KRT222: variants seen among roughly 807,000 people sequenced by gnomAD.
The protein encoded by KRT222 is keratin-like protein KRT222.
KRT222 carries 23 observed loss-of-function variants against 35.0 expected under a neutral mutation model. That is an observed-to-expected ratio of 0.66 (90% CI 0.47 to 0.93). KRT222 has a LOEUF of 0.93. Among genes scored for constraint, KRT222 ranks in the 40% least tolerant of loss-of-function variants. The pLI is 0.00. For missense variants in KRT222, 339 were observed against 346.3 expected, an observed-to-expected ratio of 0.98 and a Z score of 0.17; for synonymous variants, 108 against 118.8, an observed-to-expected ratio of 0.91 and a Z score of 0.59.
At chr17:40,661,090 G>A (rs1337670613) in intron 2 of KRT222, among the ~76,000 whole-genome samples, 10 of 151,932 alleles carry the variant, frequency 6.6e-5, no homozygotes, top group African/African-American at 2.4e-4. Context: ...GATTACAGGC[G>A]TGTGCCACCA....
Position 40,657,554 on chromosome 17 carries a change from A to C in KRT222, c.524-67T>G, listed in dbSNP as rs1485865033. Reference sequence around the variant, plus strand: ...AATTACTGTTCACAAATTATATTCAAACTTTTATTCAAATATTGCTTGTTT... The same window carrying C: ...AATTACTGTTCACAAATTATATTCACACTTTTATTCAAATATTGCTTGTTT... On this transcript the variant is annotated intron_variant, in intron 4 of 5. Coordinates refer to ENST00000394052, the MANE Select transcript of KRT222 (RefSeq NM_152349.3). 2.0e-6 allele frequency: 3 copies of C among 1,487,050 alleles called. No homozygotes were observed. In the African/African-American group the frequency reaches 4.5e-5, roughly 23 times the overall value. 92.1% of individuals were successfully genotyped at this position (1,487,050 alleles called of 1,614,324 possible).
chr17:40,657,151 G>T, intron 5 of KRT222: 1 of 300,276 alleles, frequency 3.3e-6, no homozygotes, highest in Non-Finnish European at 5.9e-6. Context: ...GGTGGAGGTT[G>T]CAGTGAGCCA....
At chr17:40,661,770 G>A (rs2037385289) in intron 2 of KRT222, 146 bp downstream of exon 2, 2 of 981,362 alleles carry the variant, frequency 2.0e-6, no homozygotes, top group South Asian at 1.8e-5. Context: ...GGAGGGGTGA[G>A]TAATTAAACT....
intron 1 of KRT222, 154 bp downstream of exon 1, chr17:40,664,850 G>C: frequency 7.9e-7 from 1 of 1,264,762 alleles, no homozygotes. Flanking sequence ...TCCCCCTGTA[G>C]TCCCAGTCAC....
rs368559451 is a variant in KRT222, at chr17:40,661,904, G to A, written c.225+12C>T. 7.8e-5 allele frequency: 125 copies of A among 1,611,788 alleles called. No individual in the cohort carries two copies. Among genetic ancestry groups the A allele is most frequent in the Non-Finnish European group, 1.0e-4 (121 of 1,179,286 alleles). On this transcript the variant is annotated intron_variant, in intron 2 of 5. Transcript: ENST00000394052. ...GACTCGATGGGTCGGTTACTTTTGG[G>A]ATCATTCTCACCACAGCATGGAGAG...
At chr17:40,659,869 G>C in intron 3 of KRT222, 118 bp downstream of exon 3, 1 of 807,890 alleles carries the variant, frequency 1.2e-6, no homozygotes, top group Non-Finnish European at 2.1e-6. Context: ...TATGGGCTCA[G>C]TGAGTACACC....
At chr17:40,657,622 C>T (rs1264996941) in intron 4 of KRT222, 52 bp downstream of exon 4, 7 of 1,528,810 alleles carry the variant, frequency 4.6e-6, no homozygotes, top group Middle Eastern at 1.7e-4. Flanking sequence ...AAAGTAATCC[C>T]TGTAAATAGT....
rs763819213 is a variant in KRT222, at chr17:40,657,741, A to G, written c.456T>C (p.Gly152=). ...LLEKEEIRYY[G]CIQGGKKDKK... ...TGTCTTTTTTCCCACCTTGGATACAACCATAATATCTGAAATCAGAAAGAA... is the reference window on the plus strand; with the variant it reads ...TGTCTTTTTTCCCACCTTGGATACAGCCATAATATCTGAAATCAGAAAGAA... Residue 152 remains glycine (G), a synonymous_variant, in exon 4 of 6, where the codon GGT becomes GGC. Coordinates refer to ENST00000394052, the MANE Select transcript of KRT222 (RefSeq NM_152349.3). 1 of 1,610,054 alleles carries G rather than the reference A, an allele frequency of 6.2e-7. No homozygotes were observed. The highest frequency in any genetic ancestry group is 1.1e-5 in the South Asian group (1 of 90,698).
chr17:40,660,448 T>C (rs2037375689), intron 2 of KRT222, among the ~76,000 whole-genome samples: 1 of 151,924 alleles, frequency 6.6e-6, no homozygotes, highest in African/African-American at 2.4e-5. Context: ...CCCGGCTAAT[T>C]TTTTGTATCT....
At chr17:40,660,264 C>A in intron 2 of KRT222, 57 bp from the exon 3 acceptor site, 1 of 1,395,744 alleles carries the variant, frequency 7.2e-7, no homozygotes, top group Non-Finnish European at 9.9e-7. Flanking sequence ...TTTCTGAAAT[C>A]TGATTTGCAA....
Position 40,665,176 on chromosome 17 carries a change from G to C in KRT222, c.-77C>G. The C allele has an allele frequency of 7.4e-7, 1 of 1,355,516 alleles. No homozygotes were observed. The highest frequency in any genetic ancestry group is 1.1e-6 in the Non-Finnish European group (1 of 951,490). The allele number at this position is 1,355,516 out of a possible 1,614,324, so 84.0% of individuals were successfully genotyped here. On this transcript the variant is annotated 5_prime_UTR_variant, in exon 1 of 6. Transcript: ENST00000394052. ...CGCTGCGGCAGTCTGCTCGGTCTGC[G>C]CGGAAGGCAGGGAGCCTCGCAGAGT...
In KRT222 at chr17:40,659,972, A is replaced by G; in HGVS notation, c.446+15T>C. The G allele has an allele frequency of 6.2e-7, 1 of 1,609,172 alleles. No individual in the cohort carries two copies. The highest frequency in any genetic ancestry group is 8.5e-7 in the Non-Finnish European group (1 of 1,175,982). On this transcript the variant is annotated intron_variant, in intron 3 of 5. Coordinates refer to ENST00000394052, the MANE Select transcript of KRT222 (RefSeq NM_152349.3). ...ATTTCTGGCCCCTTGTCATTAACTA[A>G]ATGGATTTAGGTACCTGATTTCTTC...
At chr17:40,662,088 G>A (rs937933768) in intron 1 of KRT222, 44 bp from the exon 2 acceptor site, 2 of 1,596,320 alleles carry the variant, frequency 1.3e-6, no homozygotes, top group Non-Finnish European at 1.7e-6. Flanking sequence ...AAAAAACAAG[G>A]AGTGCTTCTG....
Position 40,657,701 on chromosome 17 carries a change from T to C in KRT222, c.496A>G (p.Ser166Gly). The C allele has an allele frequency of 6.2e-7, 1 of 1,612,952 alleles. No individual in the cohort carries two copies. The highest frequency in any genetic ancestry group is 1.7e-5 in the Admixed American group (1 of 59,974). ...GATGGTAAAACAAAACCAACTCTACTTGTGGTAGGCTTTTTGTCTTTTTTC... is the reference window on the plus strand; with the variant it reads ...GATGGTAAAACAAAACCAACTCTACCTGTGGTAGGCTTTTTGTCTTTTTTC... ...GGKKDKKPTT[S>G]RVGFVLPSAI... The change falls in exon 4 of 6, where the codon AGT becomes GGT. Residue 166 changes from serine to glycine, a missense_variant. Physicochemically the swap from Ser to Gly is moderately conservative, Grantham distance 56. Transcript: ENST00000394052.
At chr17:40,656,739 A>G (rs1286360542) in intron 5 of KRT222, 109 bp from the exon 6 acceptor site, 5 of 614,906 alleles carry the variant, frequency 8.1e-6, no homozygotes, top group Non-Finnish European at 1.4e-5. Context: ...TATAATTTAT[A>G]GTGTATAGAA....
Position 40,656,649 on chromosome 17 carries a change from C to A in KRT222, c.660-19G>T. ...CTCTGTCCTGAAATGATAAAATAAA[C>A]CTTTTAATAATGAAGAAGTATGGGT... On this transcript the variant is annotated intron_variant, in intron 5 of 5. Coordinates refer to ENST00000394052, the MANE Select transcript of KRT222 (RefSeq NM_152349.3). The A allele has an allele frequency of 2.8e-6, 4 of 1,420,312 alleles. No individual in the cohort carries two copies. The highest frequency in any genetic ancestry group is 1.2e-5 in the South Asian group (1 of 85,480). The allele number at this position is 1,420,312 out of a possible 1,614,324, so 88.0% of individuals were successfully genotyped here. A position where few individuals can be genotyped will look rare whatever the true frequency, so the allele number is the denominator to read the frequency against.
chr17:40,657,232 A>G, intron 5 of KRT222, 120 bp downstream of exon 5: 2 of 635,280 alleles, frequency 3.1e-6, no homozygotes, highest in Non-Finnish European at 2.3e-6. Context: ...AAAAAATCAC[A>G]GTATACTAAA....
rs926294495 is a variant in KRT222, at chr17:40,660,149, T to G, written c.284A>C (p.Gln95Pro). 13 of 1,614,198 alleles carry G rather than the reference T, an allele frequency of 8.1e-6. No individual in the cohort carries two copies. Among genetic ancestry groups the G allele is most frequent in the Non-Finnish European group, 1.1e-5 (13 of 1,180,032 alleles). The change falls in exon 3 of 6, where the codon CAA (glutamine) becomes CCA (proline). Residue 95 changes from glutamine to proline, a missense_variant. Gln to Pro is a moderately conservative substitution (Grantham distance 76). Coordinates refer to ENST00000394052, the MANE Select transcript of KRT222 (RefSeq NM_152349.3). ...ASEQHYQMQL[Q>P]DLETVIEGLE... ...TCCTTCAATCACAGTCTCTAGGTCT[T>G]GCAGCTGCATCTGGTAATGCTGCTC...
rs769416704 is a variant in KRT222 at position 40,659,988 on chromosome 17, T to G, written c.445A>C (p.Arg149=). 1 of 1,613,500 alleles carries G rather than the reference T, an allele frequency of 6.2e-7. No individual in the cohort carries two copies. The highest frequency in any genetic ancestry group is 2.2e-5 in the East Asian group (1 of 44,888). ...YRHLLEKEEI[R]YYGCIQGGKK... ...CATTAACTAAATGGATTTAGGTACC[T>G]GATTTCTTCTTTTTCTAGGAGGTGG... Residue 149 remains arginine, a splice_region_variant and synonymous_variant, in exon 3 of 6, where the codon AGA becomes CGA. Transcript: ENST00000394052.
Sources: gnomAD v4.1 joint callset for allele counts (sites outside exome capture counted in the v4.1 genomes callset) on GRCh38, gnomAD v4.1.1 for gene constraint, MANE v1.5 for transcripts, NCBI Gene and HGNC (gene_info 2026-07-23, HGNC 2026-07-21) for gene names.